The following EPHB1 variants were observed in gnomAD, a reference collection of about 807,000 sequenced individuals.
EPHB1 encodes EPH receptor B1.
EPHB1 carries 30 observed loss-of-function variants against 94.4 expected under a neutral mutation model. The ratio of observed to expected loss-of-function variants is 0.32; its 90% CI spans 0.24 to 0.43. EPHB1 has a LOEUF of 0.43. Among genes scored for constraint, EPHB1 ranks in the 20% least tolerant of loss-of-function variants. The probability of loss-of-function intolerance (pLI) is 1.00; values close to 1 mark genes in which losing one functional copy is unlikely to be tolerated. For missense variants in EPHB1, 1,055 were observed against 1,308.3 expected (o/e 0.81, Z 2.99); for synonymous variants, 522 against 489.1 (o/e 1.07, Z -0.89).
At chr3:135,197,199 G>C (rs78982780) in intron 11 of EPHB1, among the ~76,000 whole-genome samples, 1,978 of 152,222 alleles carry the variant, frequency 0.013, 40 homozygotes, top group African/African-American at 0.046. Flanking sequence ...TTCTTGACAT[G>C]CGCCATAAGG....
chr3:135,241,141 C>T lies in EPHB1; in HGVS notation c.2347-7C>T. 1 of 1,614,202 alleles carries T rather than the reference C, an allele frequency of 6.2e-7. No homozygotes were observed. Among genetic ancestry groups the T allele is most frequent in the Non-Finnish European group, 8.5e-7 (1 of 1,180,032 alleles). On this transcript the variant is annotated splice_region_variant and splice_polypyrimidine_tract_variant and intron_variant, in intron 12 of 15. Transcript: ENST00000398015. ...GTTGGGCTGACCACGGTTTCTCCTTCTTTCAGGGAGGGAAGATCCCTGTGA... is the reference window on the plus strand; with the variant it reads ...GTTGGGCTGACCACGGTTTCTCCTTTTTTCAGGGAGGGAAGATCCCTGTGA...
intron 12 of EPHB1, among the ~76,000 whole-genome samples, chr3:135,220,495 G>C (rs2107719916): frequency 6.6e-6 from 1 of 151,006 alleles, no homozygotes; most frequent in South Asian, 2.1e-4. Flanking sequence ...TTGATAAAAA[G>C]AAAAAAGGGC....
At chr3:134,938,094 A>C (rs1355572313) in intron 2 of EPHB1, among the ~76,000 whole-genome samples, 2 of 152,018 alleles carry the variant, frequency 1.3e-5, no homozygotes, top group African/African-American at 2.4e-5. Flanking sequence ...TTAAATCTCA[A>C]CAGAGACAGA....
At chr3:134,872,615 C>T (rs72984068) in intron 1 of EPHB1, among the ~76,000 whole-genome samples, 1,690 of 152,322 alleles carry the variant, frequency 0.011, 26 homozygotes, top group African/African-American at 0.039. Flanking sequence ...CTAACAATAT[C>T]GTGGACAGAA....
At chr3:135,158,399 GACT>G (rs1197223982) in intron 6 of EPHB1, among the ~76,000 whole-genome samples, 2 of 152,132 alleles carry the variant, frequency 1.3e-5, no homozygotes, top group East Asian at 3.9e-4. Context: ...TGCTATAGTC[GACT>G]CTGCCTTTGT....
chr3:135,057,294 TG>T (rs1246354391), intron 3 of EPHB1, among the ~76,000 whole-genome samples: 1 of 152,142 alleles, frequency 6.6e-6, no homozygotes, highest in Non-Finnish European at 1.5e-5. Context: ...ATGAAAGGGA[TG>T]GAGAGGAGAC....
chr3:135,017,725 T>C (rs1935851210), intron 3 of EPHB1, among the ~76,000 whole-genome samples: 1 of 152,212 alleles, frequency 6.6e-6, no homozygotes, highest in South Asian at 2.1e-4. Flanking sequence ...GGCAGGCTCC[T>C]GTTGCCCAAG....
intron 1 of EPHB1, among the ~76,000 whole-genome samples, chr3:134,902,848 C>T (rs193040110): frequency 1.1e-4 from 17 of 152,308 alleles, no homozygotes; most frequent in African/African-American, 2.9e-4. Context: ...CAGAGTGGTT[C>T]GACTTGAGTA....
At chr3:135,207,090 A>G (rs542770562) in intron 12 of EPHB1, among the ~76,000 whole-genome samples, 1 of 152,324 alleles carries the variant, frequency 6.6e-6, no homozygotes, top group African/African-American at 2.4e-5. Flanking sequence ...CACCTAAATA[A>G]TGATGTCAGC....
intron 3 of EPHB1, among the ~76,000 whole-genome samples, chr3:135,006,082 G>A (rs181481220): frequency 5.9e-5 from 9 of 152,234 alleles, no homozygotes; most frequent in East Asian, 5.8e-4. Flanking sequence ...TTCACCTTCC[G>A]CCATGATTGT....
chr3:134,900,915 C>T lies in EPHB1; in HGVS notation c.59-24901C>T, dbSNP rs1428092791. On this transcript the variant is annotated intron_variant, in intron 1 of 15. Coordinates refer to ENST00000398015, the MANE Select transcript of EPHB1 (RefSeq NM_004441.5). ...CACATTTATGTCCTCACATAGCATACAGTTGCATGGGGAAGAATGATGTTA... is the reference window on the plus strand; with the variant it reads ...CACATTTATGTCCTCACATAGCATATAGTTGCATGGGGAAGAATGATGTTA... 2.0e-5 allele frequency among the ~76,000 whole-genome samples: 3 copies of T among 152,088 alleles called. No homozygotes were observed. In the East Asian group the frequency reaches 5.8e-4, roughly 29 times the overall value.
At chr3:134,928,918 A>C (rs2038850782) in intron 2 of EPHB1, among the ~76,000 whole-genome samples, 1 of 152,028 alleles carries the variant, frequency 6.6e-6, no homozygotes, top group African/African-American at 2.4e-5. Flanking sequence ...GAGGGCACAA[A>C]AGTGGCAAAT....
intron 6 of EPHB1, among the ~76,000 whole-genome samples, chr3:135,156,294 G>A (rs1328938169): frequency 2.0e-5 from 3 of 152,124 alleles, no homozygotes; most frequent in Non-Finnish European, 4.4e-5. Context: ...TTGTCAGTAT[G>A]TAGATGATAA....
intron 15 of EPHB1, among the ~76,000 whole-genome samples, 184 bp downstream of exon 15, chr3:135,249,675 G>A (rs1021517260): frequency 3.3e-4 from 50 of 152,268 alleles, no homozygotes; most frequent in African/African-American, 1.1e-3. Flanking sequence ...ATGGGGAGGT[G>A]GAGATCCACT....
intron 1 of EPHB1, among the ~76,000 whole-genome samples, chr3:134,836,489 C>T (rs1168150168): frequency 6.6e-6 from 1 of 152,102 alleles, no homozygotes; most frequent in Non-Finnish European, 1.5e-5. Flanking sequence ...AAACCATCTT[C>T]AATGTAACAA....
intron 1 of EPHB1, among the ~76,000 whole-genome samples, chr3:134,874,165 T>C (rs1470364914): frequency 2.0e-5 from 3 of 152,202 alleles, no homozygotes; most frequent in African/African-American, 7.2e-5. Flanking sequence ...ATTTGGGTTT[T>C]TTGTGGAATA....
chr3:134,983,374 A>G (rs781144802), intron 3 of EPHB1, among the ~76,000 whole-genome samples: 8 of 152,266 alleles, frequency 5.3e-5, no homozygotes, highest in Admixed American at 2.6e-4. Context: ...AGTTGTGAGC[A>G]CAGTTCTGCA....
chr3:135,201,728 T>C, intron 12 of EPHB1, 39 bp downstream of exon 12: 1 of 1,592,504 alleles, frequency 6.3e-7, no homozygotes, highest in East Asian at 2.2e-5. Flanking sequence ...AAGCATGGCA[T>C]GAGTTAAAGG....
chr3:134,913,993 G>A (rs866943045), intron 1 of EPHB1, among the ~76,000 whole-genome samples: 20 of 152,346 alleles, frequency 1.3e-4, no homozygotes, highest in African/African-American at 4.3e-4. Flanking sequence ...CATGGTGTAT[G>A]TGGGGAGGTG....
Sources: allele counts gnomAD v4.1 joint callset (sites outside exome capture counted in the v4.1 genomes callset), GRCh38; gene constraint gnomAD v4.1.1; transcripts MANE v1.5; gene names NCBI Gene and HGNC (gene_info 2026-07-23, HGNC 2026-07-21).